Variants in ISY1 observed in about 807,000 individuals in gnomAD.
ISY1 encodes the protein pre-mRNA-splicing factor ISY1 homolog.
Under a neutral mutation model 54.4 loss-of-function variants are expected in ISY1, and 12 were observed. That is an observed-to-expected ratio of 0.22 (90% CI 0.14 to 0.36). The LOEUF is 0.36. ISY1 is among the 10% of genes least tolerant of loss of function. The probability of loss-of-function intolerance (pLI) is 1.00; values close to 1 mark genes in which losing one functional copy is unlikely to be tolerated. For missense variants in ISY1, 282 were observed against 342.2 expected (o/e 0.82, Z 1.39); for synonymous variants, 96 against 117.9 (o/e 0.81, Z 1.20).
intron 3 of ISY1, 26 bp from the exon 4 acceptor site, chr3:129,156,946 C>A (rs999609246): frequency 1.2e-6 from 2 of 1,611,956 alleles, no homozygotes; most frequent in Middle Eastern, 1.7e-4. Context: ...TAACACATTT[C>A]CATTATACTA....
chr3:129,145,951 A>G, intron 5 of ISY1, 78 bp from the exon 6 acceptor site: 2 of 1,400,046 alleles, frequency 1.4e-6, no homozygotes, highest in Admixed American at 2.0e-5. Flanking sequence ...TTAGTATCAT[A>G]TCCTTAAAAT....
At chr3:129,150,377 A>G (rs903711348) in intron 5 of ISY1, among the ~76,000 whole-genome samples, 1 of 152,136 alleles carries the variant, frequency 6.6e-6, no homozygotes, top group Non-Finnish European at 1.5e-5. Flanking sequence ...ATCGCATCCT[A>G]GTTTTCAGCA....
intron 6 of ISY1, 93 bp from the exon 7 acceptor site, chr3:129,140,578 GC>G: frequency 7.5e-7 from 1 of 1,341,528 alleles, no homozygotes; most frequent in Non-Finnish European, 1.0e-6. Context: ...TCGCTCTGTT[GC>G]CCATTTATTT....
chr3:129,138,264 G>C (rs1936485950), intron 7 of ISY1, among the ~76,000 whole-genome samples: 2 of 148,028 alleles, frequency 1.4e-5, no homozygotes, highest in South Asian at 4.3e-4. Context: ...CTGGGCAACA[G>C]AGCAAAACTC....
intron 5 of ISY1, among the ~76,000 whole-genome samples, chr3:129,151,984 C>A (rs1936985819): frequency 6.6e-6 from 1 of 152,062 alleles, no homozygotes; most frequent in Non-Finnish European, 1.5e-5. Context: ...CATGGTAAAA[C>A]CCTGTCTCTA....
chr3:129,156,972 C>G, intron 3 of ISY1, 52 bp from the exon 4 acceptor site: 1 of 1,602,006 alleles, frequency 6.2e-7, no homozygotes, highest in Non-Finnish European at 8.5e-7. Context: ...AAGTTTCAAA[C>G]AACATTCAGA....
At chr3:129,152,398 T>C (rs1937000218) in intron 5 of ISY1, among the ~76,000 whole-genome samples, 1 of 152,106 alleles carries the variant, frequency 6.6e-6, no homozygotes, top group Non-Finnish European at 1.5e-5. Flanking sequence ...TTTTTATACA[T>C]TGCTAGGTTT....
intron 5 of ISY1, among the ~76,000 whole-genome samples, chr3:129,153,844 C>A (rs573406032): frequency 1.7e-3 from 258 of 152,106 alleles, no homozygotes; most frequent in Non-Finnish European, 2.9e-3. Flanking sequence ...GTGGCTTACA[C>A]CTGTAATCCT....
At chr3:129,158,339 TG>T (rs1229965780) in intron 3 of ISY1, among the ~76,000 whole-genome samples, 168 bp downstream of exon 3, 1 of 151,320 alleles carries the variant, frequency 6.6e-6, no homozygotes, top group Non-Finnish European at 1.5e-5. Context: ...TTGTATTTTT[TG>T]TAAAGAAGGG....
In ISY1 at chr3:129,134,159, C is replaced by T. The variant is rs758370541; in HGVS notation, c.578G>A (p.Arg193Lys). 1.2e-5 allele frequency: 19 copies of T among 1,614,220 alleles called. No homozygotes were observed. The South Asian group carries it at 2.1e-4, about 18-fold the overall frequency. ...TTCTCCTCTTGCCAGCCGAGCCTCT[C>T]TCTCTGCTTTCCACTTTTCCACTAA... ...AELVEKWKAEREARLARGEKE... is the reference protein window; with the variant it reads ...AELVEKWKAEKEARLARGEKE... Residue 193 changes from arginine (R) to lysine (K), a missense_variant, in exon 9 of 11, where the codon AGA (arginine) becomes AAA (lysine). Around this residue, in one of 2 missense-constraint regions of ISY1, gnomAD observed 279 missense variants for 323.6 expected, o/e 0.86. Transcript: ENST00000393295.
chr3:129,155,952 C>A (rs1937123256), intron 5 of ISY1, among the ~76,000 whole-genome samples: 1 of 151,626 alleles, frequency 6.6e-6, no homozygotes, highest in Non-Finnish European at 1.5e-5. Flanking sequence ...AACCCCAGAC[C>A]TTAGGTGATC....
Position 129,159,195 on chromosome 3 carries a change from G to A in ISY1, c.4-19C>T. On this transcript the variant is annotated intron_variant, in intron 1 of 10. Transcript: ENST00000393295. ...TTCGGGCCTGGAAAGAGAGAAAAGA[G>A]AAGAAAAATGTCCATGTTTAAAATA... The A allele has an allele frequency of 6.3e-7, 1 of 1,594,714 alleles. No individual in the cohort carries two copies. Among genetic ancestry groups the A allele is most frequent in the East Asian group, 2.2e-5 (1 of 44,750 alleles).
intron 7 of ISY1, among the ~76,000 whole-genome samples, chr3:129,139,604 T>C (rs901862436): frequency 7.0e-6 from 1 of 141,894 alleles, no homozygotes; most frequent in African/African-American, 2.6e-5. Flanking sequence ...GAAAGGTGGG[T>C]GTGCCCTATT....
chr3:129,154,960 T>C (rs1937094844), intron 5 of ISY1, among the ~76,000 whole-genome samples: 1 of 152,064 alleles, frequency 6.6e-6, no homozygotes, highest in African/African-American at 2.4e-5. Context: ...AGTGCTGGGA[T>C]TACAGGCGTG....
At chr3:129,135,793 G>A (rs538584303) in intron 7 of ISY1, among the ~76,000 whole-genome samples, 3 of 151,282 alleles carry the variant, frequency 2.0e-5, no homozygotes, top group Non-Finnish European at 2.9e-5. Flanking sequence ...AACCAAACAC[G>A]AGATAGCAAA....
chr3:129,132,230 G>A lies in ISY1; in HGVS notation c.664-1594C>T, dbSNP rs370359492. ...TCAATATGCCAATGTCAACCTCCCAGTTTTACTACTGTGCTAGAACTACAT... is the reference window on the plus strand; with the variant it reads ...TCAATATGCCAATGTCAACCTCCCAATTTTACTACTGTGCTAGAACTACAT... On this transcript the variant is annotated intron_variant, in intron 9 of 10. Coordinates refer to ENST00000393295, the MANE Select transcript of ISY1 (RefSeq NM_020701.4). 1.7e-4 allele frequency among the ~76,000 whole-genome samples: 26 copies of A among 152,224 alleles called. 3 individuals carry two copies. The highest frequency in any genetic ancestry group is 5.9e-4 in the Admixed American group (9 of 15,274).
intron 6 of ISY1, among the ~76,000 whole-genome samples, chr3:129,143,398 C>T (rs576154906): frequency 1.7e-4 from 25 of 151,022 alleles, no homozygotes; most frequent in African/African-American, 5.8e-4. Flanking sequence ...CTCAGCTGCT[C>T]TGGAGGCTGG....
intron 5 of ISY1, among the ~76,000 whole-genome samples, chr3:129,150,616 G>C (rs2107615242): frequency 6.6e-6 from 1 of 152,210 alleles, no homozygotes; most frequent in Non-Finnish European, 1.5e-5. Context: ...GGGAGGCTGA[G>C]GCAGGAGAAT....
rs1936345559 is a variant in ISY1 at position 129,134,929 on chromosome 3, A to G, written c.444T>C (p.Arg148=). 6.2e-7 allele frequency: 1 copy of G among 1,609,654 alleles called. No individual in the cohort carries two copies. Among genetic ancestry groups the G allele is most frequent in the Non-Finnish European group, 8.5e-7 (1 of 1,177,330 alleles). ...AATCGATTGCCTTCATGAGCTCAGCACGTGTCTTTCTGGGAGGAGGAAGAG... is the reference window on the plus strand; with the variant it reads ...AATCGATTGCCTTCATGAGCTCAGCGCGTGTCTTTCTGGGAGGAGGAAGAG... The part of the protein sequence containing the change: ...KEPLPPPRKT[R]AELMKAIDFE... The change falls in exon 8 of 11, where the codon CGT becomes CGC. Residue 148 remains arginine, a synonymous_variant. Coordinates refer to ENST00000393295, the MANE Select transcript of ISY1 (RefSeq NM_020701.4).
Sources: gnomAD v4.1 joint callset for allele counts (sites outside exome capture counted in the v4.1 genomes callset) on GRCh38, gnomAD v4.1.1 for gene constraint, gnomAD v4.1.1 regional missense constraint, MANE v1.5 for transcripts, NCBI Gene and HGNC (gene_info 2026-07-23, HGNC 2026-07-21) for gene names.